Variants in NLGN1 observed in about 807,000 individuals in gnomAD.
The protein encoded by NLGN1 is neuroligin-1.
In NLGN1, 12 loss-of-function variants were observed where a neutral mutation model predicts 65.5. That is an observed-to-expected ratio of 0.18 (90% confidence interval 0.12 to 0.30). The LOEUF (loss-of-function observed/expected upper bound fraction) is 0.30, where lower values mean the gene tolerates loss of function less well. NLGN1 is among the 10% of genes least tolerant of loss of function. The probability of loss-of-function intolerance (pLI) is 1.00; values close to 1 mark genes in which losing one functional copy is unlikely to be tolerated. For synonymous variants in NLGN1, 350 were observed against 359.5 expected, an observed-to-expected ratio of 0.97 and a Z score of 0.30; for missense variants, 750 against 1,007.1, an observed-to-expected ratio of 0.74 and a Z score of 3.46.
chr3:173,469,534 T>C (rs1724966317), intron 2 of NLGN1, among the ~76,000 whole-genome samples: 1 of 152,042 alleles, frequency 6.6e-6, no homozygotes, highest in African/African-American at 2.4e-5. Context: ...ATCTTTACGA[T>C]TCAGGAGAAT....
At chr3:174,244,128 T>A (rs893625251) in intron 4 of NLGN1, among the ~76,000 whole-genome samples, 1 of 152,236 alleles carries the variant, frequency 6.6e-6, no homozygotes, top group Non-Finnish European at 1.5e-5. Context: ...TATTTCAGTG[T>A]GCTTTTTAAT....
intron 4 of NLGN1, among the ~76,000 whole-genome samples, chr3:174,033,095 T>A (rs894101855): frequency 3.3e-5 from 5 of 152,008 alleles, no homozygotes; most frequent in African/African-American, 4.8e-5. Flanking sequence ...GAACTGAGAT[T>A]AAATCATAAG....
At chr3:173,840,760 C>T (rs921695485) in intron 4 of NLGN1, among the ~76,000 whole-genome samples, 5 of 152,108 alleles carry the variant, frequency 3.3e-5, no homozygotes, top group African/African-American at 1.2e-4. Flanking sequence ...ATCCTCTTTC[C>T]AGTCTCCCAT....
intron 4 of NLGN1, among the ~76,000 whole-genome samples, chr3:173,834,762 G>A (rs1723259439): frequency 6.6e-6 from 1 of 152,078 alleles, no homozygotes; most frequent in Admixed American, 6.5e-5. Flanking sequence ...TCAAACTCAA[G>A]CCCACACAAA....
At chr3:173,643,178 G>C (rs575912380) in intron 3 of NLGN1, among the ~76,000 whole-genome samples, 1 of 152,186 alleles carries the variant, frequency 6.6e-6, no homozygotes, top group Non-Finnish European at 1.5e-5. Context: ...CGACCTATCT[G>C]TGGCACAACT....
chr3:173,940,705 C>A (rs1287615490), intron 4 of NLGN1, among the ~76,000 whole-genome samples: 2 of 152,136 alleles, frequency 1.3e-5, no homozygotes, highest in Middle Eastern at 3.2e-3. Context: ...TAATCCTATC[C>A]TGTTATATCC....
At chr3:174,166,965 G>C (rs981905930) in intron 4 of NLGN1, among the ~76,000 whole-genome samples, 1 of 151,846 alleles carries the variant, frequency 6.6e-6, no homozygotes, top group African/African-American at 2.4e-5. Context: ...TACTGTTGTT[G>C]GTTTAATGTC....
intron 3 of NLGN1, among the ~76,000 whole-genome samples, chr3:173,624,336 A>C (rs1364608672): frequency 6.6e-6 from 1 of 152,152 alleles, no homozygotes; most frequent in Non-Finnish European, 1.5e-5. Flanking sequence ...AATTCTAGTA[A>C]GGAGGATGAG....
chr3:174,288,347 G>A (rs28401680), downstream of NLGN1, among the ~76,000 whole-genome samples: 1 of 151,306 alleles, frequency 6.6e-6, no homozygotes, highest in African/African-American at 2.4e-5. Context: ...ATCTGATCCA[G>A]CCCCATAAGT....
intron 3 of NLGN1, among the ~76,000 whole-genome samples, chr3:173,755,507 A>C (rs1345308274): frequency 6.6e-6 from 1 of 152,078 alleles, no homozygotes; most frequent in Non-Finnish European, 1.5e-5. Context: ...CTTTGGGAGC[A>C]ATTTTCAAGG....
intron 4 of NLGN1, among the ~76,000 whole-genome samples, chr3:174,185,090 T>G (rs1418266912): frequency 1.3e-5 from 2 of 152,098 alleles, no homozygotes; most frequent in East Asian, 1.9e-4. Context: ...GCTATACAGC[T>G]TTCTCAACCT....
intron 4 of NLGN1, among the ~76,000 whole-genome samples, chr3:173,963,750 A>G (rs1714146251): frequency 6.6e-6 from 1 of 152,248 alleles, no homozygotes; most frequent in South Asian, 2.1e-4. Context: ...GTTGTCAAGC[A>G]ATACAAAGTT....
intron 4 of NLGN1, among the ~76,000 whole-genome samples, chr3:173,915,368 A>G (rs1344552246): frequency 2.6e-5 from 4 of 152,236 alleles, no homozygotes; most frequent in Non-Finnish European, 5.9e-5. Flanking sequence ...GCTGTCTACA[A>G]GGATGTCAGG....
chr3:173,565,832 GA>G (rs1469831086), intron 2 of NLGN1, among the ~76,000 whole-genome samples: 2 of 151,156 alleles, frequency 1.3e-5, no homozygotes, highest in Non-Finnish European at 3.0e-5. Context: ...ATATTAGAAT[GA>G]AAATTTTATT....
the NLGN1 span, among the ~76,000 whole-genome samples, chr3:174,291,894 C>T: frequency 1.3e-5 from 2 of 151,006 alleles, no homozygotes; most frequent in Non-Finnish European, 3.0e-5. Context: ...AATGAAGACA[C>T]GGTACAGCTA....
chr3:173,520,065 C>T (rs1182953422), intron 2 of NLGN1, among the ~76,000 whole-genome samples: 1 of 152,116 alleles, frequency 6.6e-6, no homozygotes, highest in Non-Finnish European at 1.5e-5. Context: ...AAGTGTGTAG[C>T]ACCTTCCTCC....
chr3:173,905,193 G>A (rs956480043), intron 4 of NLGN1, among the ~76,000 whole-genome samples: 1 of 152,126 alleles, frequency 6.6e-6, no homozygotes, highest in Non-Finnish European at 1.5e-5. Flanking sequence ...ACCTGCCAGA[G>A]GTCTAGTCCC....
intron 4 of NLGN1, among the ~76,000 whole-genome samples, chr3:173,873,517 A>T (rs1052500709): frequency 6.6e-6 from 1 of 152,250 alleles, no homozygotes; most frequent in Non-Finnish European, 1.5e-5. Flanking sequence ...AGACAGAAGC[A>T]TGTGTAATTG....
At chr3:173,782,276 A>AG (rs1578405435) in intron 3 of NLGN1, among the ~76,000 whole-genome samples, 1 of 152,198 alleles carries the variant, frequency 6.6e-6, no homozygotes, top group East Asian at 1.9e-4. Flanking sequence ...ACAGGCACAT[A>AG]GGCACTCAGA....
Sources: allele counts gnomAD v4.1 joint callset (sites outside exome capture counted in the v4.1 genomes callset), GRCh38; gene constraint gnomAD v4.1.1; transcripts MANE v1.5; gene names NCBI Gene and HGNC (gene_info 2026-07-23, HGNC 2026-07-21).